Variants in EYS observed in about 807,000 individuals in gnomAD.
EYS encodes the protein EGF-like photoreceptor maintenance factor.
A neutral mutation model predicts 282.1 loss-of-function variants in EYS; 250 were observed. The observed-to-expected ratio is 0.89, with a 90% CI of 0.80 to 0.98. The LOEUF is 0.98. EYS is among the 50% of genes least tolerant of loss of function. The pLI is 0.00. For missense variants in EYS, 4,016 were observed against 3,709.0 expected (o/e 1.08, Z -2.15); for synonymous variants, 1,355 against 1,282.9 (o/e 1.06, Z -1.20).
chr6:64,533,657 T>G (rs184332388), intron 26 of EYS, among the ~76,000 whole-genome samples: 68 of 152,090 alleles, frequency 4.5e-4, no homozygotes, highest in Admixed American at 1.5e-3. Flanking sequence ...TAATTTGTCT[T>G]CGGCATATTT....
chr6:65,552,713 A>C (rs9360135), intron 2 of EYS, among the ~76,000 whole-genome samples: 83,425 of 151,860 alleles, frequency 0.55, 22,950 homozygotes, highest in East Asian at 0.71. Context: ...TAATGGGGAC[A>C]TAGCATCTTT....
At chr6:65,297,035 T>C (rs1768686696) in intron 11 of EYS, among the ~76,000 whole-genome samples, 1 of 151,676 alleles carries the variant, frequency 6.6e-6, no homozygotes, top group Non-Finnish European at 1.5e-5. Flanking sequence ...TATTTGATCA[T>C]TATACATTGA....
At chr6:63,899,709 A>G (rs1773615108) in intron 35 of EYS, among the ~76,000 whole-genome samples, 1 of 152,132 alleles carries the variant, frequency 6.6e-6, no homozygotes, top group Non-Finnish European at 1.5e-5. Flanking sequence ...AGCACTGAGC[A>G]CAGTGCACCC....
At chr6:65,294,011 A>T (rs1768597166) in intron 12 of EYS, among the ~76,000 whole-genome samples, 1 of 151,866 alleles carries the variant, frequency 6.6e-6, no homozygotes, top group Non-Finnish European at 1.5e-5. Context: ...GAAAAGAGAC[A>T]GCAAGGAGAA....
intron 33 of EYS, among the ~76,000 whole-genome samples, chr6:64,056,017 G>T (rs951388584): frequency 3.3e-5 from 5 of 152,080 alleles, no homozygotes; most frequent in Admixed American, 6.6e-5. Context: ...GGATGCAAAG[G>T]CCTGGTCCTC....
intron 5 of EYS, among the ~76,000 whole-genome samples, chr6:65,482,477 G>C (rs1241191329): frequency 6.6e-6 from 1 of 152,134 alleles, no homozygotes. Context: ...TATCAGAATT[G>C]AGTCTCAAAA....
chr6:65,113,343 GAGT>G (rs1459201304), intron 12 of EYS, among the ~76,000 whole-genome samples: 12 of 151,900 alleles, frequency 7.9e-5, no homozygotes, highest in African/African-American at 2.9e-4. Context: ...TCTATATGAT[GAGT>G]AGGTCTATAC....
intron 26 of EYS, among the ~76,000 whole-genome samples, chr6:64,549,041 A>C (rs1764979318): frequency 6.6e-6 from 1 of 152,150 alleles, no homozygotes; most frequent in African/African-American, 2.4e-5. Flanking sequence ...CACTCAAATC[A>C]CCTTATTCAT....
At chr6:64,218,994 A>G (rs1398436301) in intron 31 of EYS, among the ~76,000 whole-genome samples, 1 of 152,184 alleles carries the variant, frequency 6.6e-6, no homozygotes, top group African/African-American at 2.4e-5. Context: ...GCTGCTAAAG[A>G]GAGTTTGCAG....
chr6:64,077,646 A>G (rs1771818054), intron 32 of EYS, among the ~76,000 whole-genome samples: 1 of 152,124 alleles, frequency 6.6e-6, no homozygotes, highest in Admixed American at 6.6e-5. Flanking sequence ...ATGTCTTCTC[A>G]TAATTTTCAA....
At chr6:64,548,831 A>T (rs560002584) in intron 26 of EYS, among the ~76,000 whole-genome samples, 12 of 152,214 alleles carry the variant, frequency 7.9e-5, no homozygotes, top group Admixed American at 5.2e-4. Flanking sequence ...AGTATAATAA[A>T]AAAAAAAGAA....
At chr6:65,121,645 T>G (rs934677926) in intron 12 of EYS, among the ~76,000 whole-genome samples, 4 of 152,182 alleles carry the variant, frequency 2.6e-5, no homozygotes, top group South Asian at 2.1e-4. Context: ...CTCTGGAGCA[T>G]GTTTACTTTA....
At chr6:64,038,573 T>C (rs182908462) in intron 33 of EYS, among the ~76,000 whole-genome samples, 59 of 152,160 alleles carry the variant, frequency 3.9e-4, no homozygotes, top group Admixed American at 2.4e-3. Context: ...TATTAGGATA[T>C]ACTTTATATA....
At chr6:64,289,166 T>A (rs937895987) in intron 30 of EYS, among the ~76,000 whole-genome samples, 2 of 152,078 alleles carry the variant, frequency 1.3e-5, no homozygotes, top group Non-Finnish European at 2.9e-5. Flanking sequence ...TTAATTTGTG[T>A]GTTTCCACAA....
In EYS at chr6:64,797,089, T is replaced by C. The variant is rs945945203; in HGVS notation, c.3443+16289A>G. ...TGAAGTTCAGCTCCTGCCTAGCAAA[T>C]TCTAATCGGGTTAATCAATATCAGC... On this transcript the variant is annotated intron_variant, in intron 22 of 42. Transcript: ENST00000503581. 3.9e-5 allele frequency among the ~76,000 whole-genome samples: 6 copies of C among 152,200 alleles called. No homozygotes were observed. In the East Asian group the frequency reaches 1.2e-3, roughly 29 times the overall value.
chr6:64,622,572 G>A (rs1767479024), intron 23 of EYS, among the ~76,000 whole-genome samples: 1 of 152,072 alleles, frequency 6.6e-6, no homozygotes, highest in Admixed American at 6.6e-5. Flanking sequence ...AAGAGGGAAG[G>A]GAGAAAAGAG....
intron 2 of EYS, among the ~76,000 whole-genome samples, chr6:65,505,262 TTTA>T (rs1287608823): frequency 6.7e-6 from 1 of 150,086 alleles, no homozygotes; most frequent in Non-Finnish European, 1.5e-5. Flanking sequence ...CCCTGTTTGA[TTTA>T]TTATATTAAT....
At chr6:64,650,683 C>G (rs1768525451) in intron 22 of EYS, among the ~76,000 whole-genome samples, 1 of 151,978 alleles carries the variant, frequency 6.6e-6, no homozygotes, top group East Asian at 1.9e-4. Flanking sequence ...GTCACCAAGC[C>G]TGAGCTCTAG....
intron 31 of EYS, among the ~76,000 whole-genome samples, chr6:64,161,865 A>G (rs980021510): frequency 1.3e-5 from 2 of 152,184 alleles, no homozygotes; most frequent in Admixed American, 6.5e-5. Context: ...TGTAATTTCT[A>G]GATCGATTTT....
Sources: allele counts gnomAD v4.1 joint callset (sites outside exome capture counted in the v4.1 genomes callset), GRCh38; gene constraint gnomAD v4.1.1; transcripts MANE v1.5; gene names NCBI Gene and HGNC (gene_info 2026-07-23, HGNC 2026-07-21).